The following HPSE2 variants were observed in gnomAD, a reference collection of about 807,000 sequenced individuals.
HPSE2 encodes heparanase 2 (inactive).
A neutral mutation model predicts 60.5 loss-of-function variants in HPSE2; 38 were observed. The observed-to-expected ratio is 0.63, with a 90% confidence interval of 0.48 to 0.82. HPSE2 has a LOEUF of 0.82. HPSE2 is among the 40% of genes least tolerant of loss of function. HPSE2 has a pLI of 0.00. For synonymous variants in HPSE2, 295 were observed against 293.2 expected, an observed-to-expected ratio of 1.01 and a Z score of -0.06; for missense variants, 713 against 740.4, an observed-to-expected ratio of 0.96 and a Z score of 0.43.
intron 3 of HPSE2, among the ~76,000 whole-genome samples, chr10:99,118,078 G>T (rs1255507822): frequency 1.3e-5 from 2 of 152,000 alleles, no homozygotes; most frequent in East Asian, 3.9e-4. Flanking sequence ...TGCAAGGTTG[G>T]TTCAACATAT....
At chr10:99,249,999 C>T in the HPSE2 span, among the ~76,000 whole-genome samples, 4 of 152,004 alleles carry the variant, frequency 2.6e-5, no homozygotes, top group Non-Finnish European at 4.4e-5. Context: ...AAAAATTAGC[C>T]AGGCATGGTG....
intron 3 of HPSE2, among the ~76,000 whole-genome samples, chr10:98,946,956 A>AT (rs763519257): frequency 6.6e-6 from 1 of 151,838 alleles, no homozygotes; most frequent in East Asian, 1.9e-4. Context: ...GTTCTCACTT[A>AT]TTTTTTATCA....
intron 3 of HPSE2, among the ~76,000 whole-genome samples, chr10:99,043,836 A>T (rs1957796907): frequency 6.6e-6 from 1 of 152,164 alleles, no homozygotes. Context: ...AATTTTTAAA[A>T]ATAAAAAAAA....
chr10:98,496,613 C>T (rs1421929371), intron 9 of HPSE2, among the ~76,000 whole-genome samples: 4 of 152,232 alleles, frequency 2.6e-5, no homozygotes, highest in Non-Finnish European at 5.9e-5. Flanking sequence ...CCAAAATTAA[C>T]TGCAATTCAC....
In HPSE2 at chr10:98,792,581, G is replaced by A. The variant is rs116778599; in HGVS notation, c.611-48525C>T. ...GAAAACATCATGTCTGCAAAGTGTGGTTGGCATTTTTGTACATTTAAAAGA... is the reference window on the plus strand; with the variant it reads ...GAAAACATCATGTCTGCAAAGTGTGATTGGCATTTTTGTACATTTAAAAGA... On this transcript the variant is annotated intron_variant, in intron 3 of 11. Coordinates refer to ENST00000370552, the MANE Select transcript of HPSE2 (RefSeq NM_021828.5). Among the ~76,000 whole-genome samples, 1,166 of 151,434 alleles carry A rather than the reference G, an allele frequency of 7.7e-3. 12 individuals are homozygous for A. Among genetic ancestry groups the A allele is most frequent in the African/African-American group, 0.024 (993 of 41,218 alleles).
intron 9 of HPSE2, among the ~76,000 whole-genome samples, chr10:98,543,920 C>T (rs529435797): frequency 9.9e-5 from 15 of 151,406 alleles, no homozygotes; most frequent in African/African-American, 2.9e-4. Context: ...GACAGATCAA[C>T]AAAGACAGAA....
chr10:98,500,835 A>G (rs139444567), intron 9 of HPSE2, among the ~76,000 whole-genome samples: 1 of 152,314 alleles, frequency 6.6e-6, no homozygotes, highest in Non-Finnish European at 1.5e-5. Flanking sequence ...GAAAGTCTAA[A>G]TAACCTCATT....
At chr10:99,147,121 A>G (rs1318778546) in intron 2 of HPSE2, among the ~76,000 whole-genome samples, 1 of 152,210 alleles carries the variant, frequency 6.6e-6, no homozygotes, top group East Asian at 1.9e-4. Context: ...CTTAAATACG[A>G]CGAAACTGAG....
chr10:99,171,145 G>T (rs1384246174), intron 2 of HPSE2, among the ~76,000 whole-genome samples: 2 of 152,170 alleles, frequency 1.3e-5, no homozygotes, highest in Admixed American at 1.3e-4. Context: ...GATATACCTA[G>T]CTTGAAGAAA....
chr10:98,624,251 G>A (rs1946148434), intron 7 of HPSE2, among the ~76,000 whole-genome samples: 1 of 152,188 alleles, frequency 6.6e-6, no homozygotes. Context: ...ACGGTAGAGA[G>A]CAATTTGACA....
At chr10:98,507,861 A>G (rs757731064) in intron 9 of HPSE2, among the ~76,000 whole-genome samples, 24 of 152,294 alleles carry the variant, frequency 1.6e-4, no homozygotes, top group South Asian at 4.2e-4. Flanking sequence ...AACAAATGAA[A>G]TGACTCCTGA....
intron 3 of HPSE2, among the ~76,000 whole-genome samples, chr10:98,885,403 T>A (rs1045436366): frequency 4.6e-5 from 7 of 152,188 alleles, no homozygotes; most frequent in Non-Finnish European, 1.0e-4. Flanking sequence ...ATAAAGCAAC[T>A]GCAGAGTTTG....
chr10:99,282,465 C>G, the HPSE2 span, among the ~76,000 whole-genome samples: 2 of 151,812 alleles, frequency 1.3e-5, no homozygotes, highest in African/African-American at 4.8e-5. Context: ...ATAGAACAAC[C>G]AAATAGAAGA....
Position 98,942,356 on chromosome 10 carries a change from T to C in HPSE2, c.611-198300A>G, listed in dbSNP as rs1010077405. Among the ~76,000 whole-genome samples the C allele has an allele frequency of 4.1e-4, 59 of 143,962 alleles. 1 individual carries two copies. The highest frequency in any genetic ancestry group is 1.6e-3 in the African/African-American group (56 of 35,630). 94.4% of individuals were successfully genotyped at this position (143,962 alleles called of 152,430 possible). On this transcript the variant is annotated intron_variant, in intron 3 of 11. Transcript: ENST00000370552. ...TCTGACAAAGGGCTAATATCCAGAA[T>C]CTACAATGAACTCAAACAAATTTAC...
intron 3 of HPSE2, among the ~76,000 whole-genome samples, chr10:98,758,908 C>T (rs1428140392): frequency 6.6e-6 from 1 of 152,124 alleles, no homozygotes; most frequent in African/African-American, 2.4e-5. Context: ...CAGTGCTAGT[C>T]ACAATAGTGA....
intron 3 of HPSE2, among the ~76,000 whole-genome samples, chr10:99,027,260 A>C (rs776474916): frequency 2.0e-5 from 3 of 151,428 alleles, no homozygotes; most frequent in Non-Finnish European, 3.0e-5. Context: ...CAAATAAAGA[A>C]AATCAGAAAT....
chr10:98,862,749 A>G (rs1038782474), intron 3 of HPSE2, among the ~76,000 whole-genome samples: 3 of 152,100 alleles, frequency 2.0e-5, no homozygotes, highest in South Asian at 4.2e-4. Flanking sequence ...CCAGAGGTGA[A>G]AACAATGCTG....
At chr10:98,984,100 T>C (rs112551072) in intron 3 of HPSE2, among the ~76,000 whole-genome samples, 6 of 152,252 alleles carry the variant, frequency 3.9e-5, no homozygotes, top group African/African-American at 1.2e-4. Context: ...AGCAAAAACA[T>C]CTGCAGACTT....
chr10:99,145,496 G>T (rs1846021539), intron 2 of HPSE2, among the ~76,000 whole-genome samples: 1 of 151,318 alleles, frequency 6.6e-6, no homozygotes. Flanking sequence ...TTCCCAATTA[G>T]CAGGAAGCTC....
Sources: allele counts gnomAD v4.1 joint callset (sites outside exome capture counted in the v4.1 genomes callset), GRCh38; gene constraint gnomAD v4.1.1; transcripts MANE v1.5; gene names NCBI Gene and HGNC (gene_info 2026-07-23, HGNC 2026-07-21).